The following ZC3H12B variants were observed in gnomAD, a reference collection of about 807,000 sequenced individuals.
The protein encoded by ZC3H12B is zinc finger CCCH-type containing 12B, also known as probable ribonuclease ZC3H12B.
Under a neutral mutation model 43.9 loss-of-function variants are expected in ZC3H12B, and 7 were observed. The observed-to-expected ratio is 0.16, with a 90% CI of 0.09 to 0.30. The LOEUF is 0.30. ZC3H12B is among the 10% of genes least tolerant of loss of function. ZC3H12B has a pLI of 1.00. For synonymous variants in ZC3H12B, 222 were observed against 241.7 expected, an observed-to-expected ratio of 0.92 and a Z score of 0.76; for missense variants, 475 against 670.2, an observed-to-expected ratio of 0.71 and a Z score of 3.22.
chrX:65,343,244 T>A, the ZC3H12B span, among the ~76,000 whole-genome samples: 2 of 111,387 alleles, frequency 1.8e-5, no homozygotes, highest in Non-Finnish European at 3.8e-5. Context: ...TCTGCCCAGA[T>A]GTATAAAGAA....
At chrX:65,217,593 G>A in the ZC3H12B span, among the ~76,000 whole-genome samples, 1 of 112,086 alleles carries the variant, frequency 8.9e-6, no homozygotes, top group African/African-American at 3.2e-5. Flanking sequence ...AATTCAATCA[G>A]ATAAATTTAA....
At chrX:65,330,404 C>T in the ZC3H12B span, among the ~76,000 whole-genome samples, 1 of 111,212 alleles carries the variant, frequency 9.0e-6, no homozygotes, top group African/African-American at 3.3e-5. Flanking sequence ...ATTTCCTTCT[C>T]CTGCCTGATT....
At chrX:65,246,860 A>G in the ZC3H12B span, among the ~76,000 whole-genome samples, 1 of 112,556 alleles carries the variant, frequency 8.9e-6, no homozygotes, top group Admixed American at 9.4e-5. Flanking sequence ...AGATTTCATG[A>G]CGAAGACACA....
At chrX:65,372,119 A>C (rs1336630187) in intron 2 of ZC3H12B, among the ~76,000 whole-genome samples, 1 of 112,267 alleles carries the variant, frequency 8.9e-6, no homozygotes, top group African/African-American at 3.2e-5. Context: ...ATTCGTTAAA[A>C]TCAAAGAAAC....
chrX:65,249,861 C>T, the ZC3H12B span, among the ~76,000 whole-genome samples: 1 of 100,022 alleles, frequency 1.0e-5, no homozygotes, highest in East Asian at 3.1e-4. Context: ...CTTGATTCTC[C>T]ACTTGGTTGT....
At chrX:65,168,779 G>T in the ZC3H12B span, among the ~76,000 whole-genome samples, 1 of 111,494 alleles carries the variant, frequency 9.0e-6, no homozygotes, top group Admixed American at 9.6e-5. Context: ...GAGGGTGTGT[G>T]TGTCCAGGAA....
the ZC3H12B span, among the ~76,000 whole-genome samples, chrX:65,177,259 GT>G: frequency 4.5e-5 from 5 of 111,918 alleles, no homozygotes; most frequent in African/African-American, 1.6e-4. Context: ...CCAGAAACTA[GT>G]TGTTGATGGT....
At chrX:65,283,749 TG>T in the ZC3H12B span, among the ~76,000 whole-genome samples, 2 of 111,298 alleles carry the variant, frequency 1.8e-5, no homozygotes, top group African/African-American at 6.5e-5. Context: ...AAGTAGCCAG[TG>T]GCAACTGTAC....
chrX:65,202,157 T>TTA, the ZC3H12B span, among the ~76,000 whole-genome samples: 1 of 98,124 alleles, frequency 1.0e-5, no homozygotes, highest in Non-Finnish European at 2.0e-5. Context: ...GAAATATATA[T>TTA]TATATATAAT....
the ZC3H12B span, among the ~76,000 whole-genome samples, chrX:65,223,636 A>G: frequency 8.9e-6 from 1 of 112,553 alleles, no homozygotes; most frequent in Non-Finnish European, 1.9e-5. Flanking sequence ...TAAACAAACA[A>G]TACTATCAAA....
intron 2 of ZC3H12B, among the ~76,000 whole-genome samples, chrX:65,381,376 G>A (rs768947032): frequency 3.6e-4 from 40 of 111,379 alleles, no homozygotes; most frequent in Middle Eastern, 4.6e-3. Flanking sequence ...CGAAATGAAG[G>A]CAGAAATAAA....
At chrX:65,348,005 C>A in the ZC3H12B span, among the ~76,000 whole-genome samples, 2 of 109,414 alleles carry the variant, frequency 1.8e-5, no homozygotes, top group Admixed American at 2.0e-4. Flanking sequence ...CCAAACACTG[C>A]GTGTTCTCAT....
chrX:65,420,973 C>T (rs1464660214), intron 3 of ZC3H12B, among the ~76,000 whole-genome samples: 2 of 112,298 alleles, frequency 1.8e-5, no homozygotes, highest in African/African-American at 6.5e-5. Flanking sequence ...TTGCTTTCAG[C>T]TGAGAAAGCC....
At chrX:65,181,155 G>C in the ZC3H12B span, among the ~76,000 whole-genome samples, 1 of 111,501 alleles carries the variant, frequency 9.0e-6, no homozygotes, top group Non-Finnish European at 1.9e-5. Context: ...AATGGGAAAA[G>C]GATTTTCTAT....
chrX:65,366,224 G>T (rs775745725), upstream of ZC3H12B, among the ~76,000 whole-genome samples: 1 of 109,595 alleles, frequency 9.1e-6, no homozygotes, highest in Admixed American at 9.7e-5. Context: ...GGGAAAAATG[G>T]TTTCTGGTTT....
At chrX:65,478,437 C>T (rs1443308960) in intron 3 of ZC3H12B, among the ~76,000 whole-genome samples, 2 of 112,026 alleles carry the variant, frequency 1.8e-5, no homozygotes, top group South Asian at 3.7e-4. Context: ...GAAGACTGAA[C>T]ATTTTAAATA....
chrX:65,192,056 G>A, the ZC3H12B span, among the ~76,000 whole-genome samples: 1 of 110,150 alleles, frequency 9.1e-6, no homozygotes, highest in East Asian at 2.8e-4. Context: ...ATTTCATTAT[G>A]TACCCAGTAG....
At chrX:65,241,381 C>G in the ZC3H12B span, among the ~76,000 whole-genome samples, 1 of 109,978 alleles carries the variant, frequency 9.1e-6, no homozygotes, top group African/African-American at 3.3e-5. Context: ...CTCATGAGGA[C>G]CACCTGGACT....
chrX:65,185,354 G>C, the ZC3H12B span: 1 of 112,082 alleles, frequency 8.9e-6, no homozygotes, highest in African/African-American at 3.2e-5. Flanking sequence ...CTGACAGATA[G>C]CTGTGATTTT....
Sources: gnomAD v4.1 joint callset for allele counts (sites outside exome capture counted in the v4.1 genomes callset) on GRCh38, gnomAD v4.1.1 for gene constraint, MANE v1.5 for transcripts, NCBI Gene and HGNC (gene_info 2026-07-23, HGNC 2026-07-21) for gene names.